CHODL: variants seen among roughly 807,000 people sequenced by gnomAD.
The protein encoded by CHODL is chondrolectin.
CHODL carries 29 observed loss-of-function variants against 34.5 expected under a neutral mutation model. That is an observed-to-expected ratio of 0.84 (90% CI 0.63 to 1.15). CHODL has a LOEUF of 1.15. Ranked by LOEUF, CHODL falls within the 50% of genes most tolerant of loss-of-function variation. The pLI, the probability that CHODL is intolerant of heterozygous loss-of-function variation, is 0.00. For missense variants in CHODL, 332 were observed against 332.5 expected (o/e 1.00, Z 0.01); for synonymous variants, 125 against 116.1 (o/e 1.08, Z -0.49).
intron 2 of CHODL, among the ~76,000 whole-genome samples, chr21:18,099,047 T>C (rs1432358741): frequency 1.3e-5 from 2 of 152,004 alleles, no homozygotes; most frequent in Non-Finnish European, 2.9e-5. Flanking sequence ...CCCATGAAGA[T>C]AGAGGGTACA....
At chr21:18,245,943 T>A in intron 1 of CHODL, 1 of 1,535,408 alleles carries the variant, frequency 6.5e-7, no homozygotes, top group Non-Finnish European at 8.7e-7. Context: ...GAGGTATACT[T>A]GGTAATGACT....
chr21:18,047,856 C>T (rs2064463657), intron 2 of CHODL, among the ~76,000 whole-genome samples: 1 of 151,972 alleles, frequency 6.6e-6, no homozygotes, highest in African/African-American at 2.4e-5. Flanking sequence ...ATGAGAAAAA[C>T]TTGTGACGCT....
At chr21:18,026,791 A>T (rs926481865) in intron 1 of CHODL, among the ~76,000 whole-genome samples, 1 of 152,198 alleles carries the variant, frequency 6.6e-6, no homozygotes, top group Non-Finnish European at 1.5e-5. Context: ...GTGCACTGTA[A>T]TGTGGAGGGC....
intron 1 of CHODL, among the ~76,000 whole-genome samples, chr21:17,977,489 C>T (rs916298790): frequency 6.6e-6 from 1 of 150,716 alleles, no homozygotes; most frequent in Non-Finnish European, 1.5e-5. Flanking sequence ...CCTCAGCCTC[C>T]CAAGTAGCTG....
In CHODL at chr21:18,244,991, G is replaced by T; in HGVS notation, c.-233G>T. On this transcript the variant is annotated 5_prime_UTR_variant, in exon 1 of 6. Coordinates refer to ENST00000299295, the MANE Select transcript of CHODL (RefSeq NM_024944.3). Reference sequence around the variant, plus strand: ...CCCCTAACTTCAGTCCCCCAAACGCGCACCCTCGAAGTCTTGAACTCCAGC... The same window carrying T: ...CCCCTAACTTCAGTCCCCCAAACGCTCACCCTCGAAGTCTTGAACTCCAGC... 1 of 453,912 alleles carries T rather than the reference G, an allele frequency of 2.2e-6. No homozygotes were observed. Among genetic ancestry groups the T allele is most frequent in the Admixed American group, 4.5e-5 (1 of 22,184 alleles). The allele number at this position is 453,912 out of a possible 1,614,324, so 28.1% of individuals were successfully genotyped here.
At chr21:18,129,903 T>C (rs960376999) in intron 2 of CHODL, among the ~76,000 whole-genome samples, 1 of 75,794 alleles carries the variant, frequency 1.3e-5, no homozygotes, top group Admixed American at 1.3e-4. Flanking sequence ...TGTGTGTGTG[T>C]GTGTGTGTGT....
In CHODL at chr21:18,128,249, C is replaced by CCAGAT. The variant is rs938411478; in HGVS notation, c.-45+100280_-45+100284dup. ...CTGGGAGGTGGAGCTTGCAGTGAGC[C>CCAGAT]CAGATCGCGCCACTGCACTCCAGCC... On this transcript the variant is annotated intron_variant, in intron 2 of 6. Coordinates refer to the CHODL transcript ENST00000400127. 6.7e-5 allele frequency among the ~76,000 whole-genome samples: 8 copies of CCAGAT among 120,118 alleles called. No homozygotes were observed. The Admixed American group carries it at 8.9e-4, about 13-fold the overall frequency. The allele number at this position is 120,118 out of a possible 152,430, so 78.8% of individuals were successfully genotyped here. A position where few individuals can be genotyped will look rare whatever the true frequency, so the allele number is the denominator to read the frequency against.
intron 1 of CHODL, among the ~76,000 whole-genome samples, chr21:18,010,224 G>C (rs1373568787): frequency 7.0e-6 from 1 of 142,872 alleles, no homozygotes; most frequent in Non-Finnish European, 1.5e-5. Flanking sequence ...GGGAACCCGG[G>C]AGGTGGAGCT....
At chr21:18,053,699 GAGTT>G (rs1600942501) in intron 2 of CHODL, among the ~76,000 whole-genome samples, 1 of 151,692 alleles carries the variant, frequency 6.6e-6, no homozygotes, top group Non-Finnish European at 1.5e-5. Context: ...TTTGAAATCA[GAGTT>G]AGTGAGAAGT....
intron 1 of CHODL, among the ~76,000 whole-genome samples, chr21:18,019,117 C>T (rs1226751396): frequency 6.6e-6 from 1 of 152,124 alleles, no homozygotes; most frequent in Non-Finnish European, 1.5e-5. Flanking sequence ...ATAATCTGTG[C>T]TCAAGTTCTT....
At chr21:18,219,699 A>G (rs548054567) in intron 2 of CHODL, among the ~76,000 whole-genome samples, 3 of 151,352 alleles carry the variant, frequency 2.0e-5, no homozygotes, top group African/African-American at 4.8e-5. Flanking sequence ...CATTTTTTAT[A>G]TACCTGTTGG....
rs577830422 is a variant in CHODL at position 18,128,163 on chromosome 21, T to C, written c.-45+100192T>C. On this transcript the variant is annotated intron_variant, in intron 2 of 6. Transcript: ENST00000400127. ...AAAATACAAAAAAATTAGCTGGGCG[T>C]GGTGGCGGGCGCCTGTAGTCCCGGC... Among the ~76,000 whole-genome samples, 45 of 149,564 alleles carry C rather than the reference T, an allele frequency of 3.0e-4. 1 individual carries two copies. The South Asian group carries it at 8.9e-3, about 30-fold the overall frequency.
intron 2 of CHODL, among the ~76,000 whole-genome samples, chr21:18,203,094 C>T (rs145918078): frequency 1.8e-4 from 27 of 152,270 alleles, no homozygotes; most frequent in African/African-American, 6.5e-4. Flanking sequence ...GCAAACCAAA[C>T]TAATTTTAAA....
chr21:17,961,657 C>T (rs2146352223), intron 1 of CHODL, among the ~76,000 whole-genome samples: 1 of 152,296 alleles, frequency 6.6e-6, no homozygotes, highest in Non-Finnish European at 1.5e-5. Context: ...GATTGTTAAT[C>T]CTTAAGAGCC....
chr21:18,099,115 T>C (rs1013092368), intron 2 of CHODL, among the ~76,000 whole-genome samples: 3 of 151,716 alleles, frequency 2.0e-5, no homozygotes, highest in African/African-American at 4.8e-5. Flanking sequence ...GGGGTTGGGG[T>C]TGGTTAGTGG....
intron 1 of CHODL, among the ~76,000 whole-genome samples, chr21:18,245,699 C>A (rs1035040712): frequency 6.6e-6 from 1 of 152,086 alleles, no homozygotes; most frequent in African/African-American, 2.4e-5. Context: ...GAAATGCCAC[C>A]CTCTGTCGCT....
At chr21:18,144,725 T>C (rs2146615578) in intron 2 of CHODL, among the ~76,000 whole-genome samples, 1 of 152,066 alleles carries the variant, frequency 6.6e-6, no homozygotes, top group East Asian at 1.9e-4. Flanking sequence ...AAAAAATCAC[T>C]TTTTTTCCTC....
intron 2 of CHODL, among the ~76,000 whole-genome samples, chr21:18,079,725 A>G (rs898903760): frequency 4.5e-5 from 6 of 134,178 alleles, no homozygotes; most frequent in African/African-American, 1.5e-4. Flanking sequence ...ATACAAGGGC[A>G]GGTATCTTTC....
chr21:18,217,262 T>C (rs1281855282), intron 2 of CHODL, among the ~76,000 whole-genome samples: 1 of 152,162 alleles, frequency 6.6e-6, no homozygotes, highest in Non-Finnish European at 1.5e-5. Context: ...AAGAACTGGC[T>C]GAGACTGAGT....
Sources: allele counts gnomAD v4.1 joint callset (sites outside exome capture counted in the v4.1 genomes callset), GRCh38; gene constraint gnomAD v4.1.1; transcripts MANE v1.5; gene names NCBI Gene and HGNC (gene_info 2026-07-23, HGNC 2026-07-21).